The following MYO3B variants were observed in gnomAD, a reference collection of about 807,000 sequenced individuals.
MYO3B encodes the protein myosin IIIB.
In MYO3B, 156 loss-of-function variants were observed where a neutral mutation model predicts 174.6. That is an observed-to-expected ratio of 0.89 (90% CI 0.78 to 1.02). The LOEUF (loss-of-function observed/expected upper bound fraction) is 1.02. MYO3B is among the 50% of genes least tolerant of loss of function. The pLI is 0.00. For missense variants in MYO3B, 1,632 were observed against 1,639.4 expected (o/e 1.00, Z 0.08); for synonymous variants, 563 against 569.1 (o/e 0.99, Z 0.15).
chr2:170,191,134 C>T (rs990062719), intron 1 of MYO3B, among the ~76,000 whole-genome samples: 1 of 151,840 alleles, frequency 6.6e-6, no homozygotes, highest in Middle Eastern at 3.4e-3. Context: ...CTAGAAATGT[C>T]GTAGAGGAGA....
At chr2:170,515,637 C>T (rs1688257956) in intron 29 of MYO3B, among the ~76,000 whole-genome samples, 1 of 151,840 alleles carries the variant, frequency 6.6e-6, no homozygotes, top group Non-Finnish European at 1.5e-5. Context: ...TTTGAAGGTC[C>T]CTGGACTTCT....
intron 32 of MYO3B, chr2:170,640,983 A>G (rs1697909085): frequency 6.6e-6 from 1 of 152,238 alleles, no homozygotes; most frequent in African/African-American, 2.4e-5. Flanking sequence ...GATACGTGAC[A>G]AAAGTTTGAG....
intron 32 of MYO3B, among the ~76,000 whole-genome samples, chr2:170,581,940 T>G (rs1043824417): frequency 5.3e-5 from 8 of 152,210 alleles, no homozygotes; most frequent in Admixed American, 3.3e-4. Context: ...TGTGTCATTA[T>G]TAACAGGTAA....
chr2:170,358,387 G>C (rs1293414739), intron 8 of MYO3B, among the ~76,000 whole-genome samples: 1 of 152,068 alleles, frequency 6.6e-6, no homozygotes, highest in Non-Finnish European at 1.5e-5. Flanking sequence ...AAATCTACAG[G>C]GACAGAAAGT....
intron 9 of MYO3B, among the ~76,000 whole-genome samples, chr2:170,375,507 C>T (rs1574873428): frequency 8.7e-6 from 1 of 115,194 alleles, no homozygotes; most frequent in East Asian, 2.4e-4. Flanking sequence ...AATTAAGTTG[C>T]TGGGTTTTTT....
intron 8 of MYO3B, among the ~76,000 whole-genome samples, chr2:170,338,927 T>C (rs1245095517): frequency 3.9e-5 from 6 of 152,206 alleles, no homozygotes; most frequent in African/African-American, 9.6e-5. Context: ...TTTCATTCTG[T>C]AGAGGAGACT....
At chr2:170,456,246 T>C (rs1683902607) in intron 23 of MYO3B, among the ~76,000 whole-genome samples, 1 of 152,256 alleles carries the variant, frequency 6.6e-6, no homozygotes, top group South Asian at 2.1e-4. Context: ...GTCTGTTAGG[T>C]CTGCAAAACA....
intron 32 of MYO3B, among the ~76,000 whole-genome samples, chr2:170,590,943 C>T (rs1693785461): frequency 6.6e-6 from 1 of 152,108 alleles, no homozygotes; most frequent in Non-Finnish European, 1.5e-5. Context: ...GAGTCAATTA[C>T]CTTGAGAGAC....
chr2:170,326,124 A>G (rs553140818), intron 7 of MYO3B, among the ~76,000 whole-genome samples: 6 of 151,230 alleles, frequency 4.0e-5, no homozygotes, highest in East Asian at 1.9e-4. Context: ...CCCACCACAC[A>G]TATAAAGCTT....
At chr2:170,282,189 C>T (rs117705313) in intron 7 of MYO3B, among the ~76,000 whole-genome samples, 1 of 152,234 alleles carries the variant, frequency 6.6e-6, no homozygotes, top group East Asian at 1.9e-4. Flanking sequence ...AGACCAGTGT[C>T]CTGGAGTGTT....
chr2:170,379,851 T>C (rs2094322620), intron 9 of MYO3B, among the ~76,000 whole-genome samples: 1 of 152,232 alleles, frequency 6.6e-6, no homozygotes. Context: ...GCTTCAAATA[T>C]CTCTTTTCAA....
chr2:170,349,090 G>A (rs2094040293), intron 8 of MYO3B, among the ~76,000 whole-genome samples: 1 of 152,140 alleles, frequency 6.6e-6, no homozygotes, highest in African/African-American at 2.4e-5. Context: ...CTTACAGGGT[G>A]CACTAAAACT....
intron 8 of MYO3B, among the ~76,000 whole-genome samples, chr2:170,352,272 G>A (rs2094079325): frequency 6.6e-6 from 1 of 152,138 alleles, no homozygotes; most frequent in Non-Finnish European, 1.5e-5. Flanking sequence ...ATAGGTTTTT[G>A]TACTCAGAAA....
chr2:170,358,577 T>C (rs576055182), intron 8 of MYO3B, among the ~76,000 whole-genome samples: 8 of 152,238 alleles, frequency 5.3e-5, no homozygotes, highest in Non-Finnish European at 1.0e-4. Context: ...ATGAACTGTA[T>C]AGTATGTGAA....
chr2:170,318,612 G>A (rs62170782), intron 7 of MYO3B, among the ~76,000 whole-genome samples: 5,355 of 152,220 alleles, frequency 0.035, 128 homozygotes, highest in Middle Eastern at 0.071. Context: ...CCAAACTTGG[G>A]GTCAAATAAG....
chr2:170,343,229 C>T (rs1366681640), intron 8 of MYO3B, among the ~76,000 whole-genome samples: 1 of 151,944 alleles, frequency 6.6e-6, no homozygotes, highest in Non-Finnish European at 1.5e-5. Context: ...CACTTGAGAC[C>T]AGGAGTTTGA....
At chr2:170,395,874 G>A (rs925476284) in intron 16 of MYO3B, among the ~76,000 whole-genome samples, 3 of 152,156 alleles carry the variant, frequency 2.0e-5, no homozygotes, top group East Asian at 1.9e-4. Context: ...TTAGAGTAGC[G>A]CCAGGCTAAC....
chr2:170,217,178 CA>C, intron 5 of MYO3B, 140 bp from the exon 6 acceptor site: 1 of 696,038 alleles, frequency 1.4e-6, no homozygotes, highest in African/African-American at 1.7e-5. Context: ...ACTATTGCAG[CA>C]GAACTGAGTA....
At chr2:170,236,431 A>G (rs1005540970) in intron 7 of MYO3B, among the ~76,000 whole-genome samples, 1 of 152,180 alleles carries the variant, frequency 6.6e-6, no homozygotes, top group Non-Finnish European at 1.5e-5. Flanking sequence ...TACGAATGGA[A>G]TTGTGGATTA....
Sources: gnomAD v4.1 joint callset for allele counts (sites outside exome capture counted in the v4.1 genomes callset) on GRCh38, gnomAD v4.1.1 for gene constraint, MANE v1.5 for transcripts, NCBI Gene and HGNC (gene_info 2026-07-23, HGNC 2026-07-21) for gene names.